Variants in PDE11A observed in about 807,000 individuals in gnomAD.
PDE11A encodes dual 3',5'-cyclic-AMP and -GMP phosphodiesterase 11A.
PDE11A carries 100 observed loss-of-function variants against 100.5 expected under a neutral mutation model. The observed-to-expected ratio is 1.00, with a 90% CI of 0.85 to 1.18. The LOEUF is 1.18. PDE11A is among the 50% of genes most tolerant of loss of function. PDE11A has a pLI of 0.00. For missense variants in PDE11A, 1,141 were observed against 1,152.6 expected (o/e 0.99, Z 0.15); for synonymous variants, 381 against 420.8 (o/e 0.91, Z 1.16).
intron 9 of PDE11A, among the ~76,000 whole-genome samples, chr2:177,783,862 T>C (rs2082491409): frequency 6.6e-6 from 1 of 152,194 alleles, no homozygotes; most frequent in Non-Finnish European, 1.5e-5. Context: ...CTATTTCATT[T>C]AAAAAATTAT....
chr2:177,761,461 G>A (rs2082169260), intron 10 of PDE11A, among the ~76,000 whole-genome samples: 1 of 152,242 alleles, frequency 6.6e-6, no homozygotes, highest in Non-Finnish European at 1.5e-5. Context: ...GCACCCAGGT[G>A]CAAGGCATGG....
intron 19 of PDE11A, among the ~76,000 whole-genome samples, chr2:177,644,020 A>C (rs1006170592): frequency 6.6e-6 from 1 of 152,364 alleles, no homozygotes; most frequent in East Asian, 1.9e-4. Flanking sequence ...GTATATCCAG[A>C]AGGAAGTCTT....
rs900803519 is a variant in PDE11A at position 177,851,329 on chromosome 2, T to C, written c.1368-10946A>G. Among the ~76,000 whole-genome samples the C allele has an allele frequency of 5.3e-5, 8 of 152,030 alleles. No individual in the cohort carries two copies. The South Asian group carries it at 1.7e-3, about 32-fold the overall frequency. Reference sequence around the variant, plus strand: ...CATGTTCTCGCTCATAGGTGGGAATTGAACAATGAGAACACTTGGACACAG... The same window carrying C: ...CATGTTCTCGCTCATAGGTGGGAATCGAACAATGAGAACACTTGGACACAG... On this transcript the variant is annotated intron_variant, in intron 5 of 19. Coordinates refer to ENST00000286063, the MANE Select transcript of PDE11A (RefSeq NM_016953.4).
At chr2:177,881,450 T>G (rs2084341526) in intron 4 of PDE11A, among the ~76,000 whole-genome samples, 2 of 152,070 alleles carry the variant, frequency 1.3e-5, no homozygotes, top group South Asian at 4.2e-4. Context: ...ACTGCAACAT[T>G]TTAAAGAAGA....
chr2:177,845,489 T>C (rs1403608695), intron 5 of PDE11A, among the ~76,000 whole-genome samples: 1 of 136,762 alleles, frequency 7.3e-6, no homozygotes, highest in African/African-American at 2.8e-5. Flanking sequence ...CGGGAAGAGG[T>C]GCTCCTCACT....
intron 19 of PDE11A, among the ~76,000 whole-genome samples, chr2:177,644,192 C>T (rs2080186616): frequency 6.6e-6 from 1 of 152,238 alleles, no homozygotes; most frequent in Admixed American, 6.5e-5. Flanking sequence ...CCACTGACAG[C>T]TTGCATTGTG....
At chr2:177,714,430 T>G (rs922208380) in intron 12 of PDE11A, among the ~76,000 whole-genome samples, 2 of 152,206 alleles carry the variant, frequency 1.3e-5, no homozygotes, top group Admixed American at 6.5e-5. Context: ...CTCATAACAG[T>G]CCTGTTAGGT....
At chr2:178,035,252 T>C (rs564596383) in intron 1 of PDE11A, among the ~76,000 whole-genome samples, 2 of 152,128 alleles carry the variant, frequency 1.3e-5, no homozygotes, top group Non-Finnish European at 2.9e-5. Flanking sequence ...CAAACACTAC[T>C]ACTCAAATAA....
chr2:177,757,255 G>A (rs2082102855), intron 10 of PDE11A, among the ~76,000 whole-genome samples: 1 of 152,198 alleles, frequency 6.6e-6, no homozygotes, highest in Non-Finnish European at 1.5e-5. Flanking sequence ...ACTGTCACAT[G>A]GAGTAGACTG....
intron 2 of PDE11A, among the ~76,000 whole-genome samples, chr2:177,979,507 G>A (rs1200905378): frequency 6.7e-6 from 1 of 150,136 alleles, no homozygotes; most frequent in Non-Finnish European, 1.5e-5. Context: ...CTACAAAGAG[G>A]TAGGGTTTTC....
At chr2:177,727,835 C>G in intron 11 of PDE11A, 70 bp from the exon 12 acceptor site, 1 of 1,030,022 alleles carries the variant, frequency 9.7e-7, no homozygotes, top group Non-Finnish European at 1.5e-6. Context: ...CTCAATGGTG[C>G]CTTATATCTG....
intron 13 of PDE11A, among the ~76,000 whole-genome samples, chr2:177,710,504 T>C (rs1378929909): frequency 6.6e-6 from 1 of 152,112 alleles, no homozygotes; most frequent in Non-Finnish European, 1.5e-5. Context: ...GGGAGGAATA[T>C]ATATTTGGTA....
At chr2:177,729,492 T>A (rs2081650726) in intron 10 of PDE11A, among the ~76,000 whole-genome samples, 2 of 152,138 alleles carry the variant, frequency 1.3e-5, no homozygotes, top group Admixed American at 1.3e-4. Flanking sequence ...CTCATTTTGG[T>A]GAGACACATC....
chr2:177,644,156 A>G (rs1352252161), intron 19 of PDE11A, among the ~76,000 whole-genome samples: 1 of 152,230 alleles, frequency 6.6e-6, no homozygotes, highest in Non-Finnish European at 1.5e-5. Context: ...GATGGCCACC[A>G]TCCTCCAGAC....
At chr2:177,999,438 C>A (rs1434021704) in intron 2 of PDE11A, among the ~76,000 whole-genome samples, 1 of 152,232 alleles carries the variant, frequency 6.6e-6, no homozygotes, top group East Asian at 1.9e-4. Flanking sequence ...GATATTAGGA[C>A]AAACAAAATT....
At chr2:177,957,432 CA>C (rs1024761147) in intron 2 of PDE11A, among the ~76,000 whole-genome samples, 2 of 152,066 alleles carry the variant, frequency 1.3e-5, no homozygotes, top group African/African-American at 4.8e-5. Context: ...CAAAACAAAA[CA>C]AAAAACTTCC....
chr2:177,836,449 C>G (rs1019127648), intron 6 of PDE11A, among the ~76,000 whole-genome samples: 2 of 152,216 alleles, frequency 1.3e-5, no homozygotes, highest in African/African-American at 4.8e-5. Flanking sequence ...TTGTGTCTAT[C>G]TTGGGGATTG....
chr2:177,763,543 G>A (rs1322732574), intron 10 of PDE11A, among the ~76,000 whole-genome samples: 1 of 152,178 alleles, frequency 6.6e-6, no homozygotes, highest in Non-Finnish European at 1.5e-5. Flanking sequence ...GGCTGTGGAG[G>A]AGCCTCTATG....
chr2:177,649,133 G>A (rs981600541), intron 19 of PDE11A, among the ~76,000 whole-genome samples: 1 of 151,912 alleles, frequency 6.6e-6, no homozygotes, highest in Non-Finnish European at 1.5e-5. Context: ...TGTTGGTAAG[G>A]GCATAGAGAA....
Sources: gnomAD v4.1 joint callset for allele counts (sites outside exome capture counted in the v4.1 genomes callset) on GRCh38, gnomAD v4.1.1 for gene constraint, MANE v1.5 for transcripts, NCBI Gene and HGNC (gene_info 2026-07-23, HGNC 2026-07-21) for gene names.